The following NGEF variants were observed in gnomAD, a reference collection of about 807,000 sequenced individuals.
NGEF encodes the protein ephexin-1.
A neutral mutation model predicts 80.9 loss-of-function variants in NGEF; 31 were observed. The observed-to-expected ratio is 0.38, with a 90% CI of 0.29 to 0.52. The LOEUF (loss-of-function observed/expected upper bound fraction) is 0.52. Among genes scored for constraint, NGEF ranks in the 20% least tolerant of loss-of-function variants. NGEF has a pLI of 0.84. For synonymous variants in NGEF, 371 were observed against 370.2 expected, an observed-to-expected ratio of 1.00 and a Z score of -0.03; for missense variants, 709 against 926.2, an observed-to-expected ratio of 0.77 and a Z score of 3.04.
At position 232,892,071 on chromosome 2, in the gene NGEF, C is replaced by T. The variant is rs972653462; in HGVS notation, c.1143-584G>A. 2.6e-5 allele frequency among the ~76,000 whole-genome samples: 4 copies of T among 152,226 alleles called. No individual in the cohort carries two copies. Among genetic ancestry groups the T allele is most frequent in the South Asian group, 2.1e-4 (1 of 4,830 alleles). On this transcript the variant is annotated intron_variant, in intron 7 of 14. Transcript: ENST00000264051. This position sits in a 1 kb window ranked among gnomAD's most constrained non-coding sequence, Gnocchi z 4.0. ...TCACACGGCCTGGCGGGGGCCACAG[C>T]GGCAGGCTCTTGGGTGCTGTGAATG... is the stretch of plus-strand genomic sequence containing the variant.
chr2:232,953,053 C>A (rs1029128565), intron 3 of NGEF, among the ~76,000 whole-genome samples: 1 of 149,314 alleles, frequency 6.7e-6, no homozygotes, highest in African/African-American at 2.5e-5. Flanking sequence ...CCTGTAATCC[C>A]AGCACTTTGG....
Position 232,950,952 on chromosome 2 carries a change from C to G in NGEF, c.383+19262G>C, listed in dbSNP as rs553774724. Among the ~76,000 whole-genome samples, 3 of 152,334 alleles carry G rather than the reference C, an allele frequency of 2.0e-5. No individual in the cohort carries two copies. The East Asian group carries it at 5.8e-4, about 29-fold the overall frequency. ...CGCTCAGTAATTTATTTATTCAATG[C>G]GTGGCTATTAAGCATCCAGTATCTC... On this transcript the variant is annotated intron_variant, in intron 3 of 14. Transcript: ENST00000264051.
chr2:232,903,798 G>C (rs1324965888), intron 5 of NGEF, among the ~76,000 whole-genome samples: 5 of 152,064 alleles, frequency 3.3e-5, no homozygotes, highest in African/African-American at 1.2e-4. Flanking sequence ...AGTAACAGTT[G>C]GTAAATTAAA....
chr2:232,984,561 A>G (rs928797954), intron 1 of NGEF, among the ~76,000 whole-genome samples: 1 of 152,182 alleles, frequency 6.6e-6, no homozygotes, highest in African/African-American at 2.4e-5. Context: ...AGGGGAAAGA[A>G]CAAGCTAGAC....
At chr2:232,934,072 T>C (rs1693276440) in intron 3 of NGEF, among the ~76,000 whole-genome samples, 1 of 151,982 alleles carries the variant, frequency 6.6e-6, no homozygotes, top group African/African-American at 2.4e-5. Flanking sequence ...TGAAACCCTG[T>C]CTCTAGTAAA....
At position 232,965,782 on chromosome 2, in the gene NGEF, G is replaced by A. The variant is rs1167689921; in HGVS notation, c.383+4432C>T. On this transcript the variant is annotated intron_variant, in intron 3 of 14. Transcript: ENST00000264051. ...GAATGTAATAGCGACATGTGGCACA[G>A]TGGAGCTGGCGGTTCCTGCTTTGGA... Among the ~76,000 whole-genome samples the A allele has an allele frequency of 2.6e-5, 4 of 152,152 alleles. No homozygotes were observed. The East Asian group carries it at 5.8e-4, about 22-fold the overall frequency.
At chr2:232,902,652 A>C (rs1203196562) in intron 5 of NGEF, among the ~76,000 whole-genome samples, 1 of 152,236 alleles carries the variant, frequency 6.6e-6, no homozygotes, top group Non-Finnish European at 1.5e-5. Context: ...ATTTAAAAAG[A>C]CACATGCTTG....
chr2:232,899,029 AAT>A (rs1469384907), intron 5 of NGEF, among the ~76,000 whole-genome samples: 22 of 151,488 alleles, frequency 1.5e-4, no homozygotes, highest in African/African-American at 5.3e-4. Context: ...TGTGTGAGTG[AAT>A]ATGAGGGTGG....
intron 10 of NGEF, 75 bp downstream of exon 10, chr2:232,885,205 C>T (rs549283046): frequency 2.5e-5 from 34 of 1,372,188 alleles, no homozygotes; most frequent in African/African-American, 7.1e-5. Flanking sequence ...CAGCCAGGCG[C>T]GGTGATCTGT....
intron 2 of NGEF, among the ~76,000 whole-genome samples, chr2:232,973,674 G>T (rs928716287): frequency 6.6e-6 from 1 of 152,214 alleles, no homozygotes; most frequent in Non-Finnish European, 1.5e-5. Flanking sequence ...CCAGAGAGAT[G>T]AGTGAGGCTG....
At chr2:232,890,419 C>T (rs1349340860) in intron 8 of NGEF, among the ~76,000 whole-genome samples, 1 of 152,192 alleles carries the variant, frequency 6.6e-6, no homozygotes, top group African/African-American at 2.4e-5. Flanking sequence ...TGGTCTCAGG[C>T]ACCTTTCTCT....
intron 5 of NGEF, among the ~76,000 whole-genome samples, chr2:232,912,244 G>A (rs768940691): frequency 3.9e-5 from 6 of 151,960 alleles, no homozygotes; most frequent in East Asian, 1.9e-4. Flanking sequence ...AATGCTTTTC[G>A]TGCATCAATT....
chr2:232,998,145 G>A (rs1252290822), intron 1 of NGEF, among the ~76,000 whole-genome samples: 1 of 152,142 alleles, frequency 6.6e-6, no homozygotes, highest in Non-Finnish European at 1.5e-5. Context: ...TCTTCCCAGA[G>A]GAAACCGCAG....
chr2:232,884,194 C>A, intron 10 of NGEF, 50 bp from the exon 11 acceptor site: 1 of 1,502,638 alleles, frequency 6.7e-7, no homozygotes, highest in East Asian at 2.4e-5. Flanking sequence ...ATGTCCCTCC[C>A]CAGGACATGC....
intron 14 of NGEF, among the ~76,000 whole-genome samples, chr2:232,880,639 C>G (rs553112831): frequency 1.3e-5 from 2 of 152,340 alleles, no homozygotes; most frequent in East Asian, 3.9e-4. Context: ...GTGTTCAATT[C>G]TACAGGGGCT....
At chr2:232,953,209 G>A (rs62191835) in intron 3 of NGEF, among the ~76,000 whole-genome samples, 1 of 148,108 alleles carries the variant, frequency 6.8e-6, no homozygotes, top group Non-Finnish European at 1.5e-5. Flanking sequence ...GACTGAAGCA[G>A]GAGAATCGCT....
chr2:232,991,363 G>C (rs1694646621), intron 1 of NGEF, among the ~76,000 whole-genome samples: 1 of 150,918 alleles, frequency 6.6e-6, no homozygotes, highest in South Asian at 2.1e-4. Context: ...AAAAACCCCA[G>C]AAAACTATTG....
Position 233,013,200 on chromosome 2 carries a change from G to A in NGEF, c.-207C>T, listed in dbSNP as rs1164393957. 1 of 471,154 alleles carries A rather than the reference G, an allele frequency of 2.1e-6. No homozygotes were observed. Among genetic ancestry groups the A allele is most frequent in the Non-Finnish European group, 4.4e-6 (1 of 227,034 alleles). The allele number at this position is 471,154 out of a possible 1,614,324, so 29.2% of individuals were successfully genotyped here. On this transcript the variant is annotated 5_prime_UTR_variant, in exon 1 of 15. Transcript: ENST00000264051. ...TCCACAGGCGCTCCACTCTGTCCCA[G>A]AGAGCCCACAGCCAAAAACTTCGTC...
intron 3 of NGEF, among the ~76,000 whole-genome samples, chr2:232,932,541 C>G (rs1305487173): frequency 6.6e-6 from 1 of 152,124 alleles, no homozygotes; most frequent in Non-Finnish European, 1.5e-5. Flanking sequence ...CTTCTAGCCT[C>G]TACCCATTAC....
Sources: allele counts gnomAD v4.1 joint callset (sites outside exome capture counted in the v4.1 genomes callset), GRCh38; gene constraint gnomAD v4.1.1; non-coding constraint Gnocchi (gnomAD v3.1); transcripts MANE v1.5; gene names NCBI Gene and HGNC (gene_info 2026-07-23, HGNC 2026-07-21).